The following IGF1R variants were observed in gnomAD, a reference collection of about 807,000 sequenced individuals.
IGF1R encodes insulin-like growth factor 1 receptor.
A neutral mutation model predicts 144.6 loss-of-function variants in IGF1R; 44 were observed. The observed-to-expected ratio is 0.30, with a 90% CI of 0.24 to 0.39. The LOEUF is 0.39. Among genes scored for constraint, IGF1R ranks in the 10% least tolerant of loss-of-function variants. IGF1R has a pLI of 1.00. For missense variants in IGF1R, 1,355 were observed against 1,833.7 expected (o/e 0.74, Z 4.77); for synonymous variants, 795 against 722.8 (o/e 1.10, Z -1.60).
chr15:98,767,316 G>A (rs1212273984), intron 2 of IGF1R, among the ~76,000 whole-genome samples: 1 of 152,086 alleles, frequency 6.6e-6, no homozygotes, highest in Non-Finnish European at 1.5e-5. Context: ...TTCCAGGCAG[G>A]CTCTCATTCT....
chr15:98,929,536 C>G, intron 13 of IGF1R, 22 bp from the exon 14 acceptor site: 4 of 1,572,394 alleles, frequency 2.5e-6, no homozygotes, highest in Non-Finnish European at 3.5e-6. Flanking sequence ...GATATTTTAT[C>G]ATTTCCTCCT....
chr15:98,784,706 G>A (rs891591638), intron 2 of IGF1R, among the ~76,000 whole-genome samples: 7 of 151,746 alleles, frequency 4.6e-5, no homozygotes, highest in African/African-American at 1.2e-4. Context: ...TATTTGGGGG[G>A]AAAAACAGTA....
chr15:98,850,449 T>C (rs1399682465), intron 2 of IGF1R, among the ~76,000 whole-genome samples: 1 of 152,132 alleles, frequency 6.6e-6, no homozygotes, highest in South Asian at 2.1e-4. Flanking sequence ...ACCTGGTAAA[T>C]CTGCCTTTCA....
chr15:98,722,996 C>T lies in IGF1R; in HGVS notation c.640+14889C>T, dbSNP rs115112337. Among the ~76,000 whole-genome samples the T allele has an allele frequency of 7.7e-3, 1,172 of 151,662 alleles. 19 individuals carry two copies. Among genetic ancestry groups the T allele is most frequent in the African/African-American group, 0.027 (1,098 of 41,318 alleles). ...GGCTGAACAGAAACTGGTTCAACAC[C>T]CATGTCATGATTTTTGTGAAGCGAG... On this transcript the variant is annotated intron_variant, in intron 2 of 20. Coordinates refer to ENST00000650285, the MANE Select transcript of IGF1R (RefSeq NM_000875.5).
intron 2 of IGF1R, among the ~76,000 whole-genome samples, chr15:98,816,812 G>A (rs1290598249): frequency 6.6e-6 from 1 of 152,190 alleles, no homozygotes; most frequent in Non-Finnish European, 1.5e-5. Flanking sequence ...GGTGGGAGAG[G>A]GAGATGAATC....
At chr15:98,649,955 C>T (rs1021211253) in intron 1 of IGF1R, among the ~76,000 whole-genome samples, 5 of 152,202 alleles carry the variant, frequency 3.3e-5, no homozygotes, top group African/African-American at 1.2e-4. Flanking sequence ...TGTTTCCCGG[C>T]TAGGCGCGAG....
intron 5 of IGF1R, chr15:98,900,683 A>G (rs959631552): frequency 1.3e-5 from 2 of 152,212 alleles, no homozygotes; most frequent in African/African-American, 4.8e-5. Flanking sequence ...TTCTCATTGC[A>G]AATCGAAGGA....
chr15:98,920,453 A>G (rs1270957966), intron 10 of IGF1R, among the ~76,000 whole-genome samples: 2 of 152,180 alleles, frequency 1.3e-5, no homozygotes, highest in African/African-American at 4.8e-5. Context: ...GTTTTGACAG[A>G]ATTATTTTGC....
At position 98,939,154 on chromosome 15, in the gene IGF1R, A is replaced by G. The variant is rs754090097; in HGVS notation, c.3298-47A>G. 5 of 1,568,198 alleles carry G rather than the reference A, an allele frequency of 3.2e-6. No individual in the cohort carries two copies. The East Asian group carries it at 1.1e-4, about 35-fold the overall frequency. ...AACCTCGAAAGAAATTGGCATGGAAAAAAAAAATCCAAAATTCTCATGTGA... is the reference window on the plus strand; with the variant it reads ...AACCTCGAAAGAAATTGGCATGGAAGAAAAAAATCCAAAATTCTCATGTGA... On this transcript the variant is annotated intron_variant, in intron 17 of 20. Transcript: ENST00000650285.
intron 18 of IGF1R, among the ~76,000 whole-genome samples, chr15:98,942,496 A>G (rs2016402010): frequency 6.6e-6 from 1 of 151,978 alleles, no homozygotes; most frequent in African/African-American, 2.4e-5. Flanking sequence ...ACCACTCACA[A>G]CTGACTAATT....
intron 2 of IGF1R, among the ~76,000 whole-genome samples, chr15:98,737,928 T>C (rs865916687): frequency 1.3e-5 from 2 of 152,192 alleles, no homozygotes; most frequent in Admixed American, 6.5e-5. Context: ...ATGTCTGCTC[T>C]AGGAGCAAAA....
intron 2 of IGF1R, among the ~76,000 whole-genome samples, chr15:98,806,877 T>C (rs898696046): frequency 2.0e-5 from 3 of 152,036 alleles, no homozygotes; most frequent in African/African-American, 4.8e-5. Flanking sequence ...AATTGGAGAA[T>C]TGGTCAGGCG....
At chr15:98,918,551 T>G (rs1322014789) in intron 10 of IGF1R, among the ~76,000 whole-genome samples, 1 of 152,128 alleles carries the variant, frequency 6.6e-6, no homozygotes, top group Non-Finnish European at 1.5e-5. Context: ...CATTGCTTGG[T>G]GGCTTTTTTC....
chr15:98,893,988 G>A (rs750429362), intron 3 of IGF1R, among the ~76,000 whole-genome samples: 1 of 152,136 alleles, frequency 6.6e-6, no homozygotes, highest in Non-Finnish European at 1.5e-5. Context: ...CTATAAACAT[G>A]TTATCAAAAC....
chr15:98,771,816 C>G lies in IGF1R; in HGVS notation c.640+63709C>G, dbSNP rs533154855. ...GGTTATTGGCAATTGCTACAAAGTC[C>G]AGGGTGTTCTTTATCAGCAGCATGC... On this transcript the variant is annotated intron_variant, in intron 2 of 20. Coordinates refer to ENST00000650285, the MANE Select transcript of IGF1R (RefSeq NM_000875.5). Among the ~76,000 whole-genome samples the G allele has an allele frequency of 4.6e-5, 7 of 152,210 alleles. No homozygotes were observed. In the East Asian group the frequency reaches 1.4e-3, roughly 29 times the overall value.
intron 6 of IGF1R, among the ~76,000 whole-genome samples, chr15:98,910,934 G>C (rs981352005): frequency 6.6e-6 from 1 of 152,214 alleles, no homozygotes; most frequent in African/African-American, 2.4e-5. Flanking sequence ...AGAAGTTTCA[G>C]GGCAGCCTAA....
At chr15:98,954,759 C>T (rs558837767) in intron 20 of IGF1R, among the ~76,000 whole-genome samples, 21 of 152,126 alleles carry the variant, frequency 1.4e-4, no homozygotes, top group South Asian at 4.2e-4. Context: ...CATTTCATGT[C>T]GTTATGGCCT....
Position 98,869,504 on chromosome 15 carries a change from C to T in IGF1R, c.641-21821C>T, listed in dbSNP as rs146863705. On this transcript the variant is annotated intron_variant, in intron 2 of 20. Transcript: ENST00000650285. ...GGCTGGAGTGCAATGGCACGATCTC[C>T]GGCTCACCGCAACCTCCACCTCTCG... Among the ~76,000 whole-genome samples the T allele has an allele frequency of 4.8e-3, 727 of 151,122 alleles. 14 individuals are homozygous for T. The highest frequency in any genetic ancestry group is 0.016 in the African/African-American group (671 of 40,932).
At chr15:98,702,573 C>T (rs1230810028) in intron 1 of IGF1R, among the ~76,000 whole-genome samples, 2 of 152,172 alleles carry the variant, frequency 1.3e-5, no homozygotes, top group Non-Finnish European at 2.9e-5. Context: ...AGCGATCTAC[C>T]TGCCTTGGGC....
Sources: allele counts gnomAD v4.1 joint callset (sites outside exome capture counted in the v4.1 genomes callset), GRCh38; gene constraint gnomAD v4.1.1; transcripts MANE v1.5; gene names NCBI Gene and HGNC (gene_info 2026-07-23, HGNC 2026-07-21).